The following PTK2B variants were observed in gnomAD, a reference collection of about 807,000 sequenced individuals.
The protein encoded by PTK2B is protein tyrosine kinase 2 beta, also known as protein-tyrosine kinase 2-beta.
In PTK2B, 71 loss-of-function variants were observed where a neutral mutation model predicts 142.9. The observed-to-expected ratio is 0.50, with a 90% CI of 0.41 to 0.61. The LOEUF (loss-of-function observed/expected upper bound fraction) is 0.61. Ranked by LOEUF, PTK2B falls within the 20% of genes least tolerant of loss-of-function variation. The pLI is 0.00. For missense variants in PTK2B, 1,105 were observed against 1,320.4 expected, an observed-to-expected ratio of 0.84 and a Z score of 2.53; for synonymous variants, 519 against 503.4, an observed-to-expected ratio of 1.03 and a Z score of -0.42.
chr8:27,453,069 G>A, intron 27 of PTK2B, 45 bp from the exon 28 acceptor site: 2 of 1,608,966 alleles, frequency 1.2e-6, no homozygotes, highest in African/African-American at 1.3e-5. Context: ...GGGAAGGGTT[G>A]GAGTGCTGAG....
chr8:27,395,413 G>A (rs1807986349), intron 1 of PTK2B, among the ~76,000 whole-genome samples: 1 of 152,206 alleles, frequency 6.6e-6, no homozygotes, highest in South Asian at 2.1e-4. Flanking sequence ...TGTGCTGTGT[G>A]AGTATATTTG....
At chr8:27,330,822 A>G (rs1803702603) in intron 1 of PTK2B, among the ~76,000 whole-genome samples, 1 of 152,184 alleles carries the variant, frequency 6.6e-6, no homozygotes, top group South Asian at 2.1e-4. Flanking sequence ...CAGGTAGGCC[A>G]CAGGGGGCCT....
intron 1 of PTK2B, among the ~76,000 whole-genome samples, chr8:27,368,166 G>C (rs1806130605): frequency 6.6e-6 from 1 of 152,240 alleles, no homozygotes; most frequent in African/African-American, 2.4e-5. Context: ...GGACGGACGG[G>C]TGGCTCCTGT....
At chr8:27,417,878 G>T (rs946929682) in intron 2 of PTK2B, among the ~76,000 whole-genome samples, 1 of 152,162 alleles carries the variant, frequency 6.6e-6, no homozygotes, top group Admixed American at 6.5e-5. Flanking sequence ...CTCCAGGAGG[G>T]ACTTGGGAGT....
intron 2 of PTK2B, among the ~76,000 whole-genome samples, chr8:27,416,006 G>T (rs1809380481): frequency 6.6e-6 from 1 of 152,132 alleles, no homozygotes; most frequent in Non-Finnish European, 1.5e-5. Context: ...CAAAGCCAAG[G>T]TAGGAGGATC....
intron 1 of PTK2B, among the ~76,000 whole-genome samples, chr8:27,354,797 G>T (rs1008351836): frequency 6.6e-6 from 1 of 152,086 alleles, no homozygotes; most frequent in African/African-American, 2.4e-5. Context: ...CTGCTTGTAG[G>T]ATCTCACCAA....
intron 2 of PTK2B, among the ~76,000 whole-genome samples, chr8:27,403,767 CTG>C (rs1165408052): frequency 6.6e-6 from 1 of 150,924 alleles, no homozygotes; most frequent in Non-Finnish European, 1.5e-5. Flanking sequence ...GCTGCTGCTG[CTG>C]CTCCTCCTCC....
rs1024287602 is a variant in PTK2B at position 27,420,812 on chromosome 8, C to T, written c.471+68C>T. Reference sequence around the variant, plus strand: ...CCTCAAATGCCAAGCATGAACCGTTCTCTCCTAGGGAGATGGAAAGACAAA... The same window carrying T: ...CCTCAAATGCCAAGCATGAACCGTTTTCTCCTAGGGAGATGGAAAGACAAA... On this transcript the variant is annotated intron_variant, in intron 4 of 30. Coordinates refer to ENST00000346049, the MANE Select transcript of PTK2B (RefSeq NM_173176.3). 6.4e-6 allele frequency: 9 copies of T among 1,403,450 alleles called. No individual in the cohort carries two copies. In the African/African-American group the frequency reaches 9.9e-5, roughly 15 times the overall value. The allele number at this position is 1,403,450 out of a possible 1,614,324, so 86.9% of individuals were successfully genotyped here.
At chr8:27,407,051 G>A (rs968767958) in intron 2 of PTK2B, among the ~76,000 whole-genome samples, 1 of 152,098 alleles carries the variant, frequency 6.6e-6, no homozygotes, top group African/African-American at 2.4e-5. Flanking sequence ...CGCTTCATAC[G>A]GTTTATGGGT....
intron 27 of PTK2B, chr8:27,451,852 GC>G: frequency 1.0e-6 from 1 of 958,606 alleles, no homozygotes; most frequent in Non-Finnish European, 1.3e-6. Flanking sequence ...GTTAAGCAGT[GC>G]CACCTGCCTG....
At chr8:27,449,867 T>TA in intron 24 of PTK2B, among the ~76,000 whole-genome samples, 1 of 152,364 alleles carries the variant, frequency 6.6e-6, no homozygotes, top group East Asian at 1.9e-4. Context: ...AAGCAAGAGT[T>TA]AGATTACTAG....
chr8:27,376,436 C>T (rs1422766564), intron 1 of PTK2B, among the ~76,000 whole-genome samples: 1 of 152,206 alleles, frequency 6.6e-6, no homozygotes, highest in East Asian at 1.9e-4. Flanking sequence ...CACAAACCCT[C>T]ATGTTTCTTT....
At chr8:27,413,494 T>C (rs1809196118) in intron 2 of PTK2B, among the ~76,000 whole-genome samples, 1 of 152,190 alleles carries the variant, frequency 6.6e-6, no homozygotes, top group Non-Finnish European at 1.5e-5. Flanking sequence ...AGTACAGGCC[T>C]TTTGTTCTAT....
intron 1 of PTK2B, among the ~76,000 whole-genome samples, chr8:27,333,119 G>A (rs1435069578): frequency 6.6e-6 from 1 of 152,214 alleles, no homozygotes; most frequent in Non-Finnish European, 1.5e-5. Flanking sequence ...AGGATAGACA[G>A]GATACACTGT....
intron 1 of PTK2B, among the ~76,000 whole-genome samples, chr8:27,347,939 G>C (rs1193646515): frequency 6.6e-6 from 1 of 152,168 alleles, no homozygotes; most frequent in Non-Finnish European, 1.5e-5. Flanking sequence ...CAGGTGTCCA[G>C]TCTGTTTAAA....
chr8:27,311,257 CG>C (rs766948567), upstream of PTK2B: 11 of 1,481,252 alleles, frequency 7.4e-6, no homozygotes, highest in Admixed American at 2.7e-4. Flanking sequence ...CCGGCTCGGG[CG>C]CCCGGAACTT....
intron 1 of PTK2B, among the ~76,000 whole-genome samples, chr8:27,378,540 C>T (rs1263334084): frequency 2.0e-5 from 3 of 151,362 alleles, no homozygotes; most frequent in African/African-American, 4.9e-5. Flanking sequence ...CCAAGTTATC[C>T]GAGTGTTGCT....
chr8:27,458,883 T>G lies in PTK2B; in HGVS notation c.*374T>G. The G allele has an allele frequency of 2.7e-6, 1 of 368,012 alleles. No homozygotes were observed. The highest frequency in any genetic ancestry group is 4.6e-5 in the East Asian group (1 of 21,550). 22.8% of individuals were successfully genotyped at this position (368,012 alleles called of 1,614,324 possible). A position where few individuals can be genotyped will look rare whatever the true frequency, so the allele number is the denominator to read the frequency against. Reference sequence around the variant, plus strand: ...GCAGGCCGATTTGGGAACCAAGCTATTCCTTTCCCTTCCTCTTCGGCCCTC... The same window carrying G: ...GCAGGCCGATTTGGGAACCAAGCTAGTCCTTTCCCTTCCTCTTCGGCCCTC... On this transcript the variant is annotated 3_prime_UTR_variant, in exon 31 of 31. Transcript: ENST00000346049.
chr8:27,386,474 T>C (rs1338377114), intron 1 of PTK2B, among the ~76,000 whole-genome samples: 1 of 152,200 alleles, frequency 6.6e-6, no homozygotes, highest in Admixed American at 6.5e-5. Flanking sequence ...ACTTGGCTTG[T>C]TTAATAGGTT....
Sources: gnomAD v4.1 joint callset for allele counts (sites outside exome capture counted in the v4.1 genomes callset) on GRCh38, gnomAD v4.1.1 for gene constraint, MANE v1.5 for transcripts, NCBI Gene and HGNC (gene_info 2026-07-23, HGNC 2026-07-21) for gene names.